NEK1: variants seen among roughly 807,000 people sequenced by gnomAD.
NEK1 encodes serine/threonine-protein kinase Nek1.
NEK1 carries 137 observed loss-of-function variants against 182.1 expected under a neutral mutation model. That is an observed-to-expected ratio of 0.75 (90% CI 0.65 to 0.87). The LOEUF is 0.87. Ranked by LOEUF, NEK1 falls within the 40% of genes least tolerant of loss-of-function variation. The pLI is 0.00. For missense variants in NEK1, 1,391 were observed against 1,494.4 expected (o/e 0.93, Z 1.14); for synonymous variants, 513 against 492.2 (o/e 1.04, Z -0.56).
At position 169,612,508 on chromosome 4, in the gene NEK1, T is replaced by G. The variant is rs980221807; in HGVS notation, c.-459A>C. On this transcript the variant is annotated 5_prime_UTR_variant, in exon 1 of 36. Coordinates refer to ENST00000507142, the MANE Select transcript of NEK1 (RefSeq NM_001199397.3). ...AACAGCGGCTCTAGATTCCGAGTTA[T>G]GGGGACAACTGCTCGAGAGGCCAGG... 6.6e-5 allele frequency: 10 copies of G among 152,076 alleles called. No individual in the cohort carries two copies. The highest frequency in any genetic ancestry group is 2.4e-4 in the African/African-American group (10 of 41,320). The allele number at this position is 152,076 out of a possible 1,614,324, so 9.4% of individuals were successfully genotyped here.
chr4:169,426,328 C>G (rs1736385998), intron 29 of NEK1, 94 bp from the exon 30 acceptor site: 2 of 936,328 alleles, frequency 2.1e-6, no homozygotes, highest in Admixed American at 2.1e-5. Flanking sequence ...CACAAGTTCA[C>G]TAGCATTCTT....
In NEK1 at chr4:169,400,309, C is replaced by T; in HGVS notation, c.3763G>A (p.Val1255Ile). 6.5e-7 allele frequency: 1 copy of T among 1,547,570 alleles called. No individual in the cohort carries two copies. Among genetic ancestry groups the T allele is most frequent in the Non-Finnish European group, 8.8e-7 (1 of 1,142,480 alleles). ...DENIEICSKIVQNILGNEHQH... is the reference protein window; with the variant it reads ...DENIEICSKIIQNILGNEHQH... ...TGTTCATTTCCCAAAATATTTTGAA[C>T]TATTTTTGAACAAATTTCAATATTT... Residue 1255 changes from valine (V) to isoleucine (I), a missense_variant, in exon 35 of 36, where the codon GTT becomes ATT. By Grantham distance (29) the Val-to-Ile change is conservative. This residue lies in a region of NEK1 where 1,216 missense variants were observed against 1,277.6 expected (regional missense o/e 0.95). Coordinates refer to ENST00000507142, the MANE Select transcript of NEK1 (RefSeq NM_001199397.3).
At chr4:169,445,865 T>TATATACACAC (rs569539235) in intron 27 of NEK1, among the ~76,000 whole-genome samples, 20 of 143,276 alleles carry the variant, frequency 1.4e-4, no homozygotes, top group African/African-American at 3.6e-4. Context: ...TATATATATA[T>TATATACACAC]ACACACACAC....
intron 12 of NEK1, among the ~76,000 whole-genome samples, chr4:169,570,169 C>G (rs1477001607): frequency 6.6e-6 from 1 of 151,942 alleles, no homozygotes; most frequent in African/African-American, 2.4e-5. Flanking sequence ...TGAGGAGCGC[C>G]TCTGCCCGGC....
chr4:169,458,844 A>C (rs1215599848), intron 27 of NEK1, among the ~76,000 whole-genome samples: 1 of 148,494 alleles, frequency 6.7e-6, no homozygotes, highest in Non-Finnish European at 1.5e-5. Flanking sequence ...AAAAAAAAAA[A>C]GACAATGTCA....
intron 5 of NEK1, among the ~76,000 whole-genome samples, chr4:169,593,630 A>G (rs1195956611): frequency 6.6e-6 from 1 of 152,210 alleles, no homozygotes; most frequent in East Asian, 1.9e-4. Context: ...ACCCTAGTTC[A>G]GACTCTTGCT....
intron 35 of NEK1, among the ~76,000 whole-genome samples, chr4:169,397,272 C>G (rs1730893028): frequency 1.3e-5 from 2 of 151,680 alleles, no homozygotes; most frequent in African/African-American, 4.8e-5. Flanking sequence ...TCAAAAAGAA[C>G]AGCTATATAT....
chr4:169,489,636 G>A (rs1349511472), intron 23 of NEK1, among the ~76,000 whole-genome samples: 1 of 152,094 alleles, frequency 6.6e-6, no homozygotes, highest in African/African-American at 2.4e-5. Context: ...GTCCTGCCAT[G>A]CCAGAGTCAC....
At chr4:169,412,998 A>C (rs1355647996) in intron 31 of NEK1, among the ~76,000 whole-genome samples, 2 of 152,090 alleles carry the variant, frequency 1.3e-5, no homozygotes, top group Non-Finnish European at 1.5e-5. Flanking sequence ...CTTAATGAAC[A>C]AATATAAGGA....
At chr4:169,407,942 AG>A (rs1302429113) in intron 31 of NEK1, among the ~76,000 whole-genome samples, 1 of 152,260 alleles carries the variant, frequency 6.6e-6, no homozygotes, top group African/African-American at 2.4e-5. Flanking sequence ...AGTTGGTAAA[AG>A]TACACTGCTT....
At chr4:169,535,311 G>C (rs1457198283) in intron 19 of NEK1, among the ~76,000 whole-genome samples, 2 of 151,504 alleles carry the variant, frequency 1.3e-5, no homozygotes, top group African/African-American at 4.9e-5. Flanking sequence ...CAACAAGAGC[G>C]AAAACTCTGT....
chr4:169,610,222 G>T (rs1040455809), intron 2 of NEK1, among the ~76,000 whole-genome samples: 1 of 151,894 alleles, frequency 6.6e-6, no homozygotes, highest in Non-Finnish European at 1.5e-5. Context: ...GGCTGGTCTC[G>T]AACTCCTGAC....
chr4:169,586,293 T>C (rs950588739), intron 9 of NEK1, among the ~76,000 whole-genome samples: 1 of 152,030 alleles, frequency 6.6e-6, no homozygotes, highest in Non-Finnish European at 1.5e-5. Flanking sequence ...AAATGTACTA[T>C]AAATTAGGCA....
chr4:169,401,786 C>G lies in NEK1; in HGVS notation c.3449G>C (p.Gly1150Ala). Residue 1150 changes from glycine (G) to alanine (A), a missense_variant, in exon 33 of 36, where the codon GGT (glycine) becomes GCT (alanine). Physicochemically the swap from Gly to Ala is moderately conservative, Grantham distance 60. Transcript: ENST00000507142. Reference sequence around the variant, plus strand: ...CTCTTCTTCTTCACTGTATTCTTCACCAGGTTGTTCCCTAAGTAACTGTTC... The same window carrying G: ...CTCTTCTTCTTCACTGTATTCTTCAGCAGGTTGTTCCCTAAGTAACTGTTC... ...SMEQLLREQP[G>A]EEYSEEEESV... 6.2e-7 allele frequency: 1 copy of G among 1,613,832 alleles called. No homozygotes were observed. The highest frequency in any genetic ancestry group is 8.5e-7 in the Non-Finnish European group (1 of 1,179,788).
intron 18 of NEK1, among the ~76,000 whole-genome samples, chr4:169,540,568 T>G (rs933407906): frequency 1.3e-5 from 2 of 152,128 alleles, no homozygotes; most frequent in African/African-American, 4.8e-5. Flanking sequence ...TGATAGTAAT[T>G]TTCTTCATTA....
At chr4:169,500,157 C>T (rs1202525807) in intron 23 of NEK1, among the ~76,000 whole-genome samples, 15 of 152,106 alleles carry the variant, frequency 9.9e-5, no homozygotes, top group Admixed American at 9.8e-4. Flanking sequence ...GACTGCTGTG[C>T]TAGCAATGAG....
intron 2 of NEK1, among the ~76,000 whole-genome samples, chr4:169,606,050 C>T (rs983175349): frequency 5.3e-5 from 8 of 151,322 alleles, no homozygotes; most frequent in Non-Finnish European, 8.8e-5. Context: ...CTTGCCAAGT[C>T]GACTAGTCTA....
chr4:169,589,659 C>T, intron 6 of NEK1, 145 bp from the exon 7 acceptor site: 1 of 564,572 alleles, frequency 1.8e-6, no homozygotes, highest in South Asian at 2.5e-5. Context: ...AAATGAAGTC[C>T]CCTACCTCAA....
In NEK1 at chr4:169,545,670, G is replaced by C. The variant is rs537363505; in HGVS notation, c.1563-7759C>G. Among the ~76,000 whole-genome samples the C allele has an allele frequency of 1.1e-3, 165 of 150,044 alleles. 4 individuals are homozygous for C. The highest frequency in any genetic ancestry group is 0.01 in the Middle Eastern group (3 of 290). ...GAACTAGTTTACAGTCCCACCAACA[G>C]TGTAAAAGTGTTCCTATTTCTCCAC... On this transcript the variant is annotated intron_variant, in intron 18 of 35. Transcript: ENST00000507142.
Sources: allele counts gnomAD v4.1 joint callset (sites outside exome capture counted in the v4.1 genomes callset), GRCh38; gene constraint gnomAD v4.1.1; regional missense constraint gnomAD v4.1.1; transcripts MANE v1.5; gene names NCBI Gene and HGNC (gene_info 2026-07-23, HGNC 2026-07-21).